Variants in MC2R observed in about 807,000 individuals in gnomAD.
MC2R encodes melanocortin 2 receptor.
In MC2R, 9 loss-of-function variants were observed where a neutral mutation model predicts 9.8. The ratio of observed to expected loss-of-function variants is 0.92; its 90% CI spans 0.55 to 1.60. The LOEUF (loss-of-function observed/expected upper bound fraction) is 1.60. MC2R is among the 40% of genes most tolerant of loss of function. The probability of loss-of-function intolerance (pLI) is 0.00; values close to 1 mark genes in which losing one functional copy is unlikely to be tolerated. For missense variants in MC2R, 370 were observed against 389.0 expected, an observed-to-expected ratio of 0.95 and a Z score of 0.41; for synonymous variants, 185 against 154.7, an observed-to-expected ratio of 1.20 and a Z score of -1.45.
At chr18:13,885,667 A>T in intron 1 of MC2R, 21 bp from the exon 2 acceptor site, 1 of 841,644 alleles carries the variant, frequency 1.2e-6, no homozygotes, top group South Asian at 1.7e-5. Context: ...GTATACAGAA[A>T]TATTAGTTGC....
rs62084916 is a variant in MC2R, at chr18:13,902,952, A to T, written c.-129+12536T>A. On this transcript the variant is annotated intron_variant, in intron 1 of 1. Coordinates refer to ENST00000327606, the MANE Select transcript of MC2R (RefSeq NM_000529.2). ...TTGCAAACTACCTATCTGACAAGGG[A>T]TTAATAACCAGAATATATAAGGAGC... 4.2e-3 allele frequency among the ~76,000 whole-genome samples: 636 copies of T among 152,294 alleles called. 3 individuals carry two copies. The highest frequency in any genetic ancestry group is 4.9e-3 in the Non-Finnish European group (335 of 68,012).
At position 13,884,881 on chromosome 18, in the gene MC2R, G is replaced by A. The variant is rs763964509; in HGVS notation, c.638C>T (p.Ala213Val). Residue 213 changes from alanine (A) to valine (V), a missense_variant, in exon 2 of 2, where the codon GCC becomes GTC. By Grantham distance (64) the Ala-to-Val change is moderately conservative. Transcript: ENST00000327606. Reference sequence around the variant, plus strand: ...CAGTGTGATGGCCCCTTTCATGTTGGCTCTGGGGAGGGTGGAGATCTTCCT... The same window carrying A: ...CAGTGTGATGGCCCCTTTCATGTTGACTCTGGGGAGGGTGGAGATCTTCCT... The part of the protein sequence containing the change: ...HTRKISTLPR[A>V]NMKGAITLTI... The A allele has an allele frequency of 6.2e-7, 1 of 1,614,076 alleles. No homozygotes were observed. Among genetic ancestry groups the A allele is most frequent in the South Asian group, 1.1e-5 (1 of 91,072 alleles).
At chr18:13,902,473 G>C (rs1421574225) in intron 1 of MC2R, among the ~76,000 whole-genome samples, 1 of 152,100 alleles carries the variant, frequency 6.6e-6, no homozygotes, top group Admixed American at 6.5e-5. Context: ...AAACAGGCAT[G>C]GTACTGGTAT....
intron 1 of MC2R, among the ~76,000 whole-genome samples, chr18:13,900,961 A>C (rs1469414191): frequency 2.0e-5 from 3 of 152,310 alleles, no homozygotes; most frequent in East Asian, 3.9e-4. Context: ...TTTTCTCAGC[A>C]CATGGATCAT....
At chr18:13,898,820 G>A (rs563193855) in intron 1 of MC2R, among the ~76,000 whole-genome samples, 7 of 152,176 alleles carry the variant, frequency 4.6e-5, no homozygotes, top group Admixed American at 6.5e-5. Flanking sequence ...TACTGGGCTT[G>A]GAGTGCCCCC....
At chr18:13,887,106 G>A (rs918520594) in intron 1 of MC2R, among the ~76,000 whole-genome samples, 1 of 152,232 alleles carries the variant, frequency 6.6e-6, no homozygotes, top group African/African-American at 2.4e-5. Context: ...AGTCACCTTC[G>A]TGCCTCCTGC....
intron 1 of MC2R, among the ~76,000 whole-genome samples, chr18:13,896,479 C>A (rs1163096788): frequency 6.6e-6 from 1 of 151,660 alleles, no homozygotes; most frequent in Non-Finnish European, 1.5e-5. Flanking sequence ...AAGATTGGAA[C>A]CTAATGTGAA....
chr18:13,889,327 G>C (rs1245647867), intron 1 of MC2R, among the ~76,000 whole-genome samples: 1 of 152,244 alleles, frequency 6.6e-6, no homozygotes, highest in Non-Finnish European at 1.5e-5. Context: ...CCAGGAGGCA[G>C]AGATGGGGTG....
chr18:13,913,924 C>T (rs1321718122), intron 1 of MC2R, among the ~76,000 whole-genome samples: 1 of 152,172 alleles, frequency 6.6e-6, no homozygotes, highest in Non-Finnish European at 1.5e-5. Flanking sequence ...GACAACCTGG[C>T]CCACAGCAAT....
At chr18:13,890,906 G>A (rs1567897654) in intron 1 of MC2R, among the ~76,000 whole-genome samples, 1 of 152,166 alleles carries the variant, frequency 6.6e-6, no homozygotes, top group African/African-American at 2.4e-5. Flanking sequence ...AGCAATGCCT[G>A]TCAAGGATGA....
At chr18:13,887,889 T>G (rs2045287012) in intron 1 of MC2R, among the ~76,000 whole-genome samples, 1 of 145,858 alleles carries the variant, frequency 6.9e-6, no homozygotes. Flanking sequence ...CCCATAACTG[T>G]GTGTGCCAAT....
In MC2R at chr18:13,907,284, T is replaced by C. The variant is rs55921258; in HGVS notation, c.-129+8204A>G. Among the ~76,000 whole-genome samples, 964 of 152,252 alleles carry C rather than the reference T, an allele frequency of 6.3e-3. 14 individuals carry two copies. Among genetic ancestry groups the C allele is most frequent in the African/African-American group, 0.022 (913 of 41,520 alleles). ...CATACAATGGGGAAAGGACAGTTTTTTCAGTAAATGGTGCTGGGAAAACTG... is the reference window on the plus strand; with the variant it reads ...CATACAATGGGGAAAGGACAGTTTTCTCAGTAAATGGTGCTGGGAAAACTG... On this transcript the variant is annotated intron_variant, in intron 1 of 1. Coordinates refer to ENST00000327606, the MANE Select transcript of MC2R (RefSeq NM_000529.2).
At chr18:13,906,252 A>G (rs900626185) in intron 1 of MC2R, among the ~76,000 whole-genome samples, 3 of 152,244 alleles carry the variant, frequency 2.0e-5, no homozygotes, top group Non-Finnish European at 4.4e-5. Context: ...TGCAGCCATA[A>G]AAAGGAATCA....
chr18:13,898,259 G>A, intron 1 of MC2R, among the ~76,000 whole-genome samples: 1 of 152,194 alleles, frequency 6.6e-6, no homozygotes, highest in East Asian at 1.9e-4. Context: ...GGCCTTTGGT[G>A]ATGTTGGTTA....
At chr18:13,911,446 C>T (rs543399423) in intron 1 of MC2R, among the ~76,000 whole-genome samples, 23 of 152,306 alleles carry the variant, frequency 1.5e-4, no homozygotes, top group African/African-American at 5.5e-4. Context: ...AAACAAATGC[C>T]ATGAAATAAA....
intron 1 of MC2R, among the ~76,000 whole-genome samples, chr18:13,908,117 ATGGACTCGACCTAAG>A (rs2045423919): frequency 6.6e-6 from 1 of 152,250 alleles, no homozygotes; most frequent in Non-Finnish European, 1.5e-5. Context: ...AAGCCAAAAT[ATGGACTCGACCTAAG>A]TGTCCATCAG....
Position 13,884,519 on chromosome 18 carries a change from A to G in MC2R, c.*106T>C, listed in dbSNP as rs576322675. ...TGGTGGGATCATCCTTGCATCCATT[A>G]GGGAAGGAAGGCCAGTGAGGAGCAC... On this transcript the variant is annotated 3_prime_UTR_variant, in exon 2 of 2. Coordinates refer to ENST00000327606, the MANE Select transcript of MC2R (RefSeq NM_000529.2). The G allele has an allele frequency of 1.6e-6, 2 of 1,237,936 alleles. No homozygotes were observed. The highest frequency in any genetic ancestry group is 2.3e-6 in the Non-Finnish European group (2 of 853,142). The allele number at this position is 1,237,936 out of a possible 1,614,324, so 76.7% of individuals were successfully genotyped here.
chr18:13,907,596 T>A (rs28756439), intron 1 of MC2R, among the ~76,000 whole-genome samples: 4 of 151,916 alleles, frequency 2.6e-5, no homozygotes, highest in Non-Finnish European at 5.9e-5. Flanking sequence ...ACTCACAGAA[T>A]GGGAGAAAAT....
At chr18:13,914,475 A>G (rs28454845) in intron 1 of MC2R, among the ~76,000 whole-genome samples, 25,410 of 151,778 alleles carry the variant, frequency 0.17, 2,706 homozygotes, top group African/African-American at 0.31. Context: ...CCACCGCTTC[A>G]CTCCCACTCC....
Sources: gnomAD v4.1 joint callset for allele counts (sites outside exome capture counted in the v4.1 genomes callset) on GRCh38, gnomAD v4.1.1 for gene constraint, MANE v1.5 for transcripts, NCBI Gene and HGNC (gene_info 2026-07-23, HGNC 2026-07-21) for gene names.